Variants in ZFAND3 observed in about 807,000 individuals in gnomAD.
The protein encoded by ZFAND3 is zinc finger AN1-type containing 3, also known as AN1-type zinc finger protein 3.
In ZFAND3, 10 loss-of-function variants were observed where a neutral mutation model predicts 29.6. The observed-to-expected ratio is 0.34, with a 90% CI of 0.21 to 0.57. ZFAND3 has a LOEUF of 0.57. Ranked by LOEUF, ZFAND3 falls within the 20% of genes least tolerant of loss-of-function variation. The pLI, the probability that ZFAND3 is intolerant of heterozygous loss-of-function variation, is 0.86. For synonymous variants in ZFAND3, 128 were observed against 112.6 expected (o/e 1.14, Z -0.87); for missense variants, 230 against 304.5 (o/e 0.76, Z 1.82).
chr6:37,874,880 A>G (rs1243087410), intron 1 of ZFAND3, among the ~76,000 whole-genome samples: 1 of 152,110 alleles, frequency 6.6e-6, no homozygotes, highest in Admixed American at 6.6e-5. Flanking sequence ...TGGCTCTGTA[A>G]CACCATTCTT....
chr6:37,863,046 T>C (rs927240752), intron 1 of ZFAND3, among the ~76,000 whole-genome samples: 4 of 152,140 alleles, frequency 2.6e-5, no homozygotes, highest in African/African-American at 9.7e-5. Context: ...ATGGCAACAC[T>C]ATTGCTGTGG....
chr6:38,144,229 A>ATTTTTTT (rs1436513843), intron 5 of ZFAND3, among the ~76,000 whole-genome samples: 1 of 116,930 alleles, frequency 8.6e-6, no homozygotes, highest in East Asian at 3.6e-4. Context: ...ATATATATAT[A>ATTTTTTT]TATTTTTTTT....
At chr6:37,990,276 T>A (rs773001176) in intron 2 of ZFAND3, among the ~76,000 whole-genome samples, 9 of 152,046 alleles carry the variant, frequency 5.9e-5, no homozygotes, top group Non-Finnish European at 1.2e-4. Context: ...GGAATGAGAG[T>A]TTTGCATTCA....
chr6:37,839,405 C>A (rs955245983), intron 1 of ZFAND3, among the ~76,000 whole-genome samples: 19 of 152,228 alleles, frequency 1.2e-4, no homozygotes, highest in African/African-American at 4.3e-4. Context: ...TGGTCTCGAT[C>A]TCCTGACCTC....
intron 2 of ZFAND3, among the ~76,000 whole-genome samples, chr6:37,953,380 C>G (rs1158568786): frequency 2.0e-5 from 3 of 148,284 alleles, no homozygotes; most frequent in Non-Finnish European, 4.5e-5. Flanking sequence ...AATATACTTT[C>G]ATTTCTTCCT....
chr6:37,917,160 C>T (rs2127407364), intron 1 of ZFAND3, among the ~76,000 whole-genome samples: 1 of 152,312 alleles, frequency 6.6e-6, no homozygotes, highest in South Asian at 2.1e-4. Flanking sequence ...GAGTTCAGTA[C>T]TATCCATGAT....
intron 2 of ZFAND3, among the ~76,000 whole-genome samples, chr6:37,960,112 A>T (rs1762169417): frequency 6.6e-6 from 1 of 152,294 alleles, no homozygotes; most frequent in Admixed American, 6.5e-5. Context: ...GCAGTGTAGC[A>T]TCTATCTGTC....
At position 37,986,671 on chromosome 6, in the gene ZFAND3, C is replaced by T. The variant is rs568863959; in HGVS notation, c.112+56672C>T. On this transcript the variant is annotated intron_variant, in intron 2 of 5. Transcript: ENST00000287218. ...TTATGTATTTATTTTCGCATTTTCG[C>T]AGTTCATTTAGTCTTCTTTCTCTAT... 5.9e-5 allele frequency among the ~76,000 whole-genome samples: 9 copies of T among 152,258 alleles called. No homozygotes were observed. In the East Asian group the frequency reaches 1.5e-3, roughly 26 times the overall value.
intron 1 of ZFAND3, among the ~76,000 whole-genome samples, chr6:37,850,398 C>T (rs766973097): frequency 2.0e-5 from 3 of 152,134 alleles, no homozygotes; most frequent in South Asian, 4.1e-4. Flanking sequence ...ACTGGGCATA[C>T]GGAGAATAAG....
intron 2 of ZFAND3, among the ~76,000 whole-genome samples, chr6:38,021,578 G>GA (rs1763350496): frequency 6.6e-6 from 1 of 152,166 alleles, no homozygotes; most frequent in South Asian, 2.1e-4. Flanking sequence ...AATCAGCAAC[G>GA]AAATTTTCTT....
At chr6:38,131,391 T>C (rs1765738590) in intron 5 of ZFAND3, among the ~76,000 whole-genome samples, 1 of 152,262 alleles carries the variant, frequency 6.6e-6, no homozygotes, top group African/African-American at 2.4e-5. Flanking sequence ...AGCCCAGCGC[T>C]TTAGAGTCCT....
At chr6:37,881,777 G>A (rs1299627308) in intron 1 of ZFAND3, among the ~76,000 whole-genome samples, 1 of 152,018 alleles carries the variant, frequency 6.6e-6, no homozygotes, top group Non-Finnish European at 1.5e-5. Flanking sequence ...AGTGTTGAGA[G>A]CTGGACTTCA....
intron 2 of ZFAND3, among the ~76,000 whole-genome samples, chr6:38,052,352 A>G (rs1561981625): frequency 6.6e-6 from 1 of 152,186 alleles, no homozygotes; most frequent in South Asian, 2.1e-4. Flanking sequence ...AAATCCAAAC[A>G]TCTACTTATT....
rs754288499 is a variant in ZFAND3 at position 38,061,611 on chromosome 6, C to T, written c.131C>T (p.Pro44Leu). Residue 44 changes from proline (P) to leucine (L), a missense_variant, in exon 3 of 6, where the codon CCA becomes CTA. By Grantham distance (98) the Pro-to-Leu change is moderately conservative (BLOSUM62 -3). Around this residue, in one of 2 missense-constraint regions of ZFAND3, gnomAD observed 180 missense variants for 202.5 expected, o/e 0.89. Transcript: ENST00000287218. ...KCFADFQKKQPDDDSAPSTSN... is the reference protein window; with the variant it reads ...KCFADFQKKQLDDDSAPSTSN... ...TCTTCAGATTTTCAAAAGAAACAGC[C>T]AGACGATGATTCCGCTCCAAGTACA... 6.2e-7 allele frequency: 1 copy of T among 1,614,088 alleles called. No homozygotes were observed. The highest frequency in any genetic ancestry group is 1.1e-5 in the South Asian group (1 of 91,076).
intron 1 of ZFAND3, among the ~76,000 whole-genome samples, chr6:37,909,496 T>C (rs1765481037): frequency 1.3e-5 from 2 of 151,914 alleles, no homozygotes; most frequent in South Asian, 4.1e-4. Flanking sequence ...GCTAGGCTCC[T>C]CTTGAACTCC....
intron 5 of ZFAND3, among the ~76,000 whole-genome samples, chr6:38,144,184 A>ATATATGTATATT (rs66561715): frequency 2.3e-5 from 1 of 42,556 alleles, no homozygotes; most frequent in East Asian, 5.5e-4. Context: ...ATATATATAT[A>ATATATGTATATT]ATATATATAT....
intron 1 of ZFAND3, among the ~76,000 whole-genome samples, chr6:37,875,788 A>G (rs1218742105): frequency 6.6e-6 from 1 of 151,494 alleles, no homozygotes; most frequent in Non-Finnish European, 1.5e-5. Context: ...CCTCACAGGT[A>G]GCTGGGACTT....
intron 1 of ZFAND3, among the ~76,000 whole-genome samples, chr6:37,928,134 G>T (rs1283131664): frequency 6.6e-6 from 1 of 152,118 alleles, no homozygotes; most frequent in Non-Finnish European, 1.5e-5. Context: ...ATATCTACTT[G>T]TTGACAGCAT....
At chr6:38,140,911 C>CA (rs1239417717) in intron 5 of ZFAND3, among the ~76,000 whole-genome samples, 1 of 152,226 alleles carries the variant, frequency 6.6e-6, no homozygotes, top group Non-Finnish European at 1.5e-5. Context: ...TCTTCCCCTT[C>CA]AGGGCAGGTG....
Sources: allele counts gnomAD v4.1 joint callset (sites outside exome capture counted in the v4.1 genomes callset), GRCh38; gene constraint gnomAD v4.1.1; regional missense constraint gnomAD v4.1.1; transcripts MANE v1.5; gene names NCBI Gene and HGNC (gene_info 2026-07-23, HGNC 2026-07-21).